LRIG3: variants seen among roughly 807,000 people sequenced by gnomAD.
LRIG3 encodes leucine rich repeats and immunoglobulin like domains 3.
A neutral mutation model predicts 114.5 loss-of-function variants in LRIG3; 76 were observed. That is an observed-to-expected ratio of 0.66 (90% CI 0.55 to 0.80). The LOEUF is 0.80. Among genes scored for constraint, LRIG3 ranks in the 30% least tolerant of loss-of-function variants. The pLI is 0.00. For missense variants in LRIG3, 1,239 were observed against 1,382.8 expected, an observed-to-expected ratio of 0.90 and a Z score of 1.65; for synonymous variants, 512 against 519.8, an observed-to-expected ratio of 0.98 and a Z score of 0.20.
At position 58,890,123 on chromosome 12, in the gene LRIG3, G is replaced by A. The variant is rs1467709700; in HGVS notation, c.532C>T (p.Arg178Ter). 1.9e-6 allele frequency: 3 copies of A among 1,613,108 alleles called. No individual in the cohort carries two copies. The highest frequency in any genetic ancestry group is 2.5e-6 in the Non-Finnish European group (3 of 1,179,462). The change falls in exon 5 of 19, where the codon CGA becomes TGA. Residue 178 changes from arginine (R) to a stop codon, truncating the protein, a stop_gained. Transcript: ENST00000320743. LOFTEE classifies it high-confidence loss of function. ...QLKYLYLNSN[R>*]VTSMEPGYFD... is the part of the protein sequence containing the mutation. Reference sequence around the variant, plus strand: ...TACCCAGGTTCCATTGATGTGACTCGGTTGCTGTTGAGATACCTGTTGAAA... The same window carrying A: ...TACCCAGGTTCCATTGATGTGACTCAGTTGCTGTTGAGATACCTGTTGAAA...
intron 18 of LRIG3, 98 bp from the exon 19 acceptor site, chr12:58,872,914 T>C: frequency 1.4e-6 from 2 of 1,465,666 alleles, no homozygotes; most frequent in South Asian, 2.7e-5. Context: ...CCCATGAATA[T>C]GAGTAAGTGT....
chr12:58,905,840 T>C (rs539930577), intron 3 of LRIG3, among the ~76,000 whole-genome samples: 1 of 152,296 alleles, frequency 6.6e-6, no homozygotes, highest in African/African-American at 2.4e-5. Context: ...ATGAGGCCCA[T>C]CAACCTTGGA....
At chr12:58,890,908 G>C (rs1871436351) in intron 3 of LRIG3, 112 bp from the exon 4 acceptor site, 1 of 958,422 alleles carries the variant, frequency 1.0e-6, no homozygotes. Flanking sequence ...TGACTAATCT[G>C]AACAGTACTT....
At chr12:58,894,763 T>C (rs1167721309) in intron 3 of LRIG3, among the ~76,000 whole-genome samples, 3 of 152,244 alleles carry the variant, frequency 2.0e-5, no homozygotes, top group African/African-American at 7.2e-5. Flanking sequence ...GGAAACACCA[T>C]CTTTCCATTG....
chr12:58,888,363 C>G lies in LRIG3; in HGVS notation c.913G>C (p.Asp305His). ...AGCTTCTGGCAGAACTCCCAGGCATCAGGGCTGATCCTGTTGATGGCATTT... is the reference window on the plus strand; with the variant it reads ...AGCTTCTGGCAGAACTCCCAGGCATGAGGGCTGATCCTGTTGATGGCATTT... The part of the protein sequence containing the change: ...SQNAINRISP[D>H]AWEFCQKLSE... The change falls in exon 7 of 19, where the codon GAT becomes CAT. Residue 305 changes from aspartate to histidine, a missense_variant. Transcript: ENST00000320743. 3 of 1,613,726 alleles carry G rather than the reference C, an allele frequency of 1.9e-6. No homozygotes were observed. The highest frequency in any genetic ancestry group is 2.5e-6 in the Non-Finnish European group (3 of 1,179,724).
chr12:58,879,953 T>A (rs1871063306), intron 13 of LRIG3, among the ~76,000 whole-genome samples: 1 of 152,190 alleles, frequency 6.6e-6, no homozygotes, highest in African/African-American at 2.4e-5. Flanking sequence ...TCCAGCATGA[T>A]GCTTTGCAGC....
rs760710356 is a variant in LRIG3 at position 58,910,468 on chromosome 12, C to T, written c.383+3514G>A. ...ACTAAAAATACAAAAATTAACTGGG[C>T]GTGGCAGCATGCGCCTGTAGTCCCA... On this transcript the variant is annotated intron_variant, in intron 3 of 18. Transcript: ENST00000320743. Among the ~76,000 whole-genome samples the T allele has an allele frequency of 5.3e-5, 8 of 152,068 alleles. No individual in the cohort carries two copies. The East Asian group carries it at 1.4e-3, about 26-fold the overall frequency.
Position 58,872,577 on chromosome 12 carries a change from T to C in LRIG3, c.3355A>G (p.Thr1119Ala), listed in dbSNP as rs1870772778. 8 of 1,611,414 alleles carry C rather than the reference T, an allele frequency of 5.0e-6. No individual in the cohort carries two copies. Among genetic ancestry groups the C allele is most frequent in the Non-Finnish European group, 6.8e-6 (8 of 1,178,372 alleles). ...TPNFQSYDLD[T>A] Reference sequence around the variant, plus strand: ...TTCCTTTGGTCTCATTCAGTCTATGTGTCCAAGTCATAAGACTGAAAATTT... The same window carrying C: ...TTCCTTTGGTCTCATTCAGTCTATGCGTCCAAGTCATAAGACTGAAAATTT... Residue 1119 changes from threonine (T) to alanine (A), a missense_variant, in exon 19 of 19, where the codon ACA (threonine) becomes GCA (alanine). Thr to Ala is a moderately conservative substitution (Grantham distance 58). Transcript: ENST00000320743.
intron 3 of LRIG3, among the ~76,000 whole-genome samples, chr12:58,898,224 T>A (rs1212673348): frequency 2.0e-5 from 3 of 152,154 alleles, no homozygotes; most frequent in African/African-American, 7.2e-5. Context: ...GAGAGGAGAT[T>A]TAGATTCTAT....
chr12:58,872,818 T>TGAAA lies in LRIG3; in HGVS notation c.3116-6_3116-3dup, dbSNP rs1228525665. 3.1e-6 allele frequency: 5 copies of TGAAA among 1,609,158 alleles called. No homozygotes were observed. ...TCCTGAGAGCTTTTCCAAAGGTACC[T>TGAAA]GAAAGAAAGAAACACCTTGAGCACA... On this transcript the variant is annotated splice_region_variant and splice_polypyrimidine_tract_variant and intron_variant, in intron 18 of 18. Transcript: ENST00000320743.
chr12:58,888,257 G>C, intron 7 of LRIG3, 72 bp downstream of exon 7: 1 of 1,531,676 alleles, frequency 6.5e-7, no homozygotes, highest in Non-Finnish European at 8.9e-7. Context: ...TCACAGATCA[G>C]TGGTAAGAAG....
intron 1 of LRIG3, among the ~76,000 whole-genome samples, chr12:58,918,359 C>A (rs1872551908): frequency 6.6e-6 from 1 of 152,154 alleles, no homozygotes; most frequent in Non-Finnish European, 1.5e-5. Context: ...AGGTATCGAA[C>A]CCCTTTTGGT....
Position 58,914,073 on chromosome 12 carries a change from A to T in LRIG3, c.309-17T>A. On this transcript the variant is annotated splice_polypyrimidine_tract_variant and intron_variant, in intron 2 of 18. Transcript: ENST00000320743. ...TTCAGTTTCCTACAAATGCCAAAAA[A>T]AAAAAGAAAAAGAAAAGCTGATTAG... 1.9e-6 allele frequency: 3 copies of T among 1,592,432 alleles called. No individual in the cohort carries two copies. Among genetic ancestry groups the T allele is most frequent in the East Asian group, 2.2e-5 (1 of 44,794 alleles).
chr12:58,883,102 G>A (rs1871171497), intron 11 of LRIG3, 70 bp from the exon 12 acceptor site: 1 of 1,443,814 alleles, frequency 6.9e-7, no homozygotes, highest in Non-Finnish European at 9.4e-7. Flanking sequence ...CTAAACCCAA[G>A]TAAATATTAA....
At chr12:58,908,981 G>C (rs968879360) in intron 3 of LRIG3, among the ~76,000 whole-genome samples, 10 of 152,156 alleles carry the variant, frequency 6.6e-5, no homozygotes, top group Admixed American at 1.3e-4. Flanking sequence ...AGATGGGCCT[G>C]AATGTGGCAG....
In LRIG3 at chr12:58,886,731, A is replaced by G. The variant is rs985884289; in HGVS notation, c.1172+79T>C. 4 of 1,173,994 alleles carry G rather than the reference A, an allele frequency of 3.4e-6. No individual in the cohort carries two copies. The African/African-American group carries it at 4.6e-5, about 13-fold the overall frequency. 72.7% of individuals were successfully genotyped at this position (1,173,994 alleles called of 1,614,324 possible). A position where few individuals can be genotyped will look rare whatever the true frequency, so the allele number is the denominator to read the frequency against. Reference sequence around the variant, plus strand: ...TGATTTCTCATCTCTTCATGATGTCAACTTGTATAGCTGACTTCAGTGAAG... The same window carrying G: ...TGATTTCTCATCTCTTCATGATGTCGACTTGTATAGCTGACTTCAGTGAAG... On this transcript the variant is annotated intron_variant, in intron 9 of 18. Coordinates refer to ENST00000320743, the MANE Select transcript of LRIG3 (RefSeq NM_153377.5).
chr12:58,893,161 C>T (rs1871513610), intron 3 of LRIG3, among the ~76,000 whole-genome samples: 1 of 152,166 alleles, frequency 6.6e-6, no homozygotes, highest in Admixed American at 6.5e-5. Context: ...TGTCAGGTGC[C>T]ACCTTCTTCA....
rs1221719246 is a variant in LRIG3 at position 58,872,771 on chromosome 12, G to T, written c.3161C>A (p.Ser1054Ter). The change falls in exon 19 of 19, where the codon TCA becomes TAA. Residue 1054 changes from serine to a stop codon, truncating the protein, a stop_gained. Transcript: ENST00000320743. LOFTEE classifies it high-confidence loss of function. ...ALRRPHLDAY[S>*]SFGQPSDCQP... ...ACAATCTGATGGCTGTCCAAAGCTT[G>T]AATAGGCATCTAGGTGAGGTCTCCT... 6.2e-7 allele frequency: 1 copy of T among 1,613,942 alleles called. No homozygotes were observed. Among genetic ancestry groups the T allele is most frequent in the African/African-American group, 1.3e-5 (1 of 74,910 alleles).
chr12:58,880,604 A>G lies in LRIG3; in HGVS notation c.1778T>C (p.Val593Ala), dbSNP rs755540790. ...ISNHFGSSYS[V>A]KAKLTVNMLP... Reference sequence around the variant, plus strand: ...ACTATTTACTGTAAGCTTGGCTTTGACAGAGTAGGATGAACCAAAGTGATT... The same window carrying G: ...ACTATTTACTGTAAGCTTGGCTTTGGCAGAGTAGGATGAACCAAAGTGATT... The change falls in exon 13 of 19, where the codon GTC becomes GCC. Residue 593 changes from valine (V) to alanine (A), a missense_variant. By Grantham distance (64) the Val-to-Ala change is moderately conservative. Transcript: ENST00000320743. The G allele has an allele frequency of 1.9e-6, 3 of 1,612,764 alleles. No homozygotes were observed. In the Admixed American group the frequency reaches 5.0e-5, roughly 27 times the overall value.
Sources: gnomAD v4.1 joint callset for allele counts (sites outside exome capture counted in the v4.1 genomes callset) on GRCh38, gnomAD v4.1.1 for gene constraint, MANE v1.5 for transcripts, NCBI Gene and HGNC (gene_info 2026-07-23, HGNC 2026-07-21) for gene names.